Variants in VSTM1 observed in about 807,000 individuals in gnomAD.
VSTM1 encodes V-set and transmembrane domain containing 1.
In VSTM1, 27 loss-of-function variants were observed where a neutral mutation model predicts 33.1. That is an observed-to-expected ratio of 0.82 (90% CI 0.60 to 1.12). The LOEUF (loss-of-function observed/expected upper bound fraction) is 1.12, where lower values mean the gene tolerates loss of function less well. Ranked by LOEUF, VSTM1 falls within the 50% of genes most tolerant of loss-of-function variation. The probability of loss-of-function intolerance (pLI) is 0.00; values close to 1 mark genes in which losing one functional copy is unlikely to be tolerated. For missense variants in VSTM1, 304 were observed against 288.9 expected (o/e 1.05, Z -0.38); for synonymous variants, 115 against 110.3 (o/e 1.04, Z -0.27).
chr19:54,045,278 G>C (rs777886795), intron 4 of VSTM1, among the ~76,000 whole-genome samples: 2 of 151,868 alleles, frequency 1.3e-5, no homozygotes, highest in Non-Finnish European at 1.5e-5. Context: ...ATCTTTATCT[G>C]TCTCTGTACC....
At chr19:54,044,595 T>A (rs1202340041) in intron 4 of VSTM1, among the ~76,000 whole-genome samples, 1 of 152,064 alleles carries the variant, frequency 6.6e-6, no homozygotes, top group African/African-American at 2.4e-5. Flanking sequence ...TTTCTACCAA[T>A]TAAAAAACAA....
At chr19:54,043,504 C>T (rs928990466) in intron 4 of VSTM1, among the ~76,000 whole-genome samples, 17 of 152,174 alleles carry the variant, frequency 1.1e-4, no homozygotes, top group East Asian at 5.8e-4. Flanking sequence ...CTCCGCCTCC[C>T]GGGTTCAAGC....
At chr19:54,063,087 C>T (rs1455318768) in intron 1 of VSTM1, among the ~76,000 whole-genome samples, 2 of 152,200 alleles carry the variant, frequency 1.3e-5, no homozygotes, top group African/African-American at 4.8e-5. Context: ...CCTGTAATCC[C>T]AGCACTTTGG....
At position 54,045,421 on chromosome 19, in the gene VSTM1, A is replaced by G. The variant is rs140726780; in HGVS notation, c.395-3052T>C. Among the ~76,000 whole-genome samples, 1,175 of 152,080 alleles carry G rather than the reference A, an allele frequency of 7.7e-3. 10 individuals are homozygous for G. The highest frequency in any genetic ancestry group is 0.012 in the Non-Finnish European group (803 of 67,964). On this transcript the variant is annotated intron_variant, in intron 4 of 8. Coordinates refer to ENST00000338372, the MANE Select transcript of VSTM1 (RefSeq NM_198481.4). ...AACTATCTGTCTGTCTAATTTTTCT[A>G]TCTTGTTAATCTATCACTTATCTAG... is the stretch of plus-strand genomic sequence containing the variant.
In VSTM1 at chr19:54,053,615, C is replaced by G. The variant is rs1353781598; in HGVS notation, c.356-2167G>C. ...AGAAATGGACCCTTCCCCAGTCAAGCCTCCAGATGAGCCAGATGAGAACAC... is the reference window on the plus strand; with the variant it reads ...AGAAATGGACCCTTCCCCAGTCAAGGCTCCAGATGAGCCAGATGAGAACAC... On this transcript the variant is annotated intron_variant, in intron 3 of 8. Coordinates refer to ENST00000338372, the MANE Select transcript of VSTM1 (RefSeq NM_198481.4). Among the ~76,000 whole-genome samples the G allele has an allele frequency of 2.8e-5, 4 of 141,684 alleles. No individual in the cohort carries two copies. The East Asian group carries it at 8.0e-4, about 28-fold the overall frequency. 93.0% of individuals were successfully genotyped at this position (141,684 alleles called of 152,430 possible).
intron 1 of VSTM1, 68 bp from the exon 2 acceptor site, chr19:54,058,800 G>A (rs530088331): frequency 9.7e-6 from 13 of 1,345,936 alleles, no homozygotes; most frequent in African/African-American, 4.4e-5. Flanking sequence ...AGCAGAGAAC[G>A]TATGACTAGC....
intron 4 of VSTM1, among the ~76,000 whole-genome samples, chr19:54,044,986 C>A (rs575702028): frequency 7.2e-5 from 11 of 152,150 alleles, no homozygotes; most frequent in Admixed American, 2.6e-4. Context: ...AGGGGCTTCA[C>A]CAAGACCCCC....
chr19:54,054,861 A>G (rs1322410553), intron 3 of VSTM1, among the ~76,000 whole-genome samples: 1 of 84,534 alleles, frequency 1.2e-5, no homozygotes, highest in Non-Finnish European at 2.9e-5. Context: ...GGATGGATGG[A>G]TGGATGGATG....
intron 8 of VSTM1, 128 bp from the exon 9 acceptor site, chr19:54,041,208 AG>A (rs2070245298): frequency 3.2e-6 from 3 of 939,066 alleles, no homozygotes; most frequent in Non-Finnish European, 4.4e-6. Flanking sequence ...CGGTCACACC[AG>A]ATGCATTTCT....
chr19:54,060,339 G>A (rs549122957), intron 1 of VSTM1, among the ~76,000 whole-genome samples: 3 of 152,134 alleles, frequency 2.0e-5, no homozygotes, highest in Non-Finnish European at 2.9e-5. Flanking sequence ...TGGAAAATGG[G>A]ATGTCAGTCA....
intron 4 of VSTM1, among the ~76,000 whole-genome samples, chr19:54,042,816 A>ATATATATATG (rs1555752453): frequency 3.6e-5 from 2 of 54,972 alleles, no homozygotes; most frequent in African/African-American, 6.2e-5. Flanking sequence ...GTATATATAT[A>ATATATATATG]TATATATATA....
rs1253430567 is a variant in VSTM1 at position 54,059,102 on chromosome 19, A to G, written c.35-370T>C. ...TTGAAATGTAGTCTTGCTCTGTTGC[A>G]CAGGCTGGAGTGCAATGACATGATC... is the stretch of plus-strand genomic sequence containing the variant. On this transcript the variant is annotated intron_variant, in intron 1 of 8. Coordinates refer to ENST00000338372, the MANE Select transcript of VSTM1 (RefSeq NM_198481.4). Among the ~76,000 whole-genome samples, 24 of 131,308 alleles carry G rather than the reference A, an allele frequency of 1.8e-4. No individual in the cohort carries two copies. In the East Asian group the frequency reaches 4.5e-3, roughly 25 times the overall value. The allele number at this position is 131,308 out of a possible 152,430, so 86.1% of individuals were successfully genotyped here. A position where few individuals can be genotyped will look rare whatever the true frequency, so the allele number is the denominator to read the frequency against.
chr19:54,051,524 C>T (rs1329525084), intron 3 of VSTM1, 76 bp from the exon 4 acceptor site: 1 of 1,140,262 alleles, frequency 8.8e-7, no homozygotes, highest in Non-Finnish European at 1.3e-6. Flanking sequence ...TCACGTCCTA[C>T]TTATAGACAT....
chr19:54,054,033 G>A (rs1183595117), intron 3 of VSTM1, among the ~76,000 whole-genome samples: 1 of 141,008 alleles, frequency 7.1e-6, no homozygotes, highest in Non-Finnish European at 1.6e-5. Flanking sequence ...TTTTTGTAAT[G>A]GAAGCATTTA....
At chr19:54,041,214 AT>A (rs1272858786) in intron 8 of VSTM1, 134 bp from the exon 9 acceptor site, 8 of 892,892 alleles carry the variant, frequency 9.0e-6, no homozygotes, top group African/African-American at 1.8e-5. Flanking sequence ...CACCAGATGC[AT>A]TTCTTTTTCT....
intron 3 of VSTM1, 124 bp from the exon 4 acceptor site, chr19:54,051,572 C>T: frequency 3.0e-6 from 2 of 677,692 alleles, no homozygotes; most frequent in Non-Finnish European, 4.8e-6. Context: ...AGAATGGCTT[C>T]TCCATTCCCT....
At position 54,055,331 on chromosome 19, in the gene VSTM1, G is replaced by A. The variant is rs115941560; in HGVS notation, c.355+2975C>T. On this transcript the variant is annotated intron_variant, in intron 3 of 8. Transcript: ENST00000338372. Reference sequence around the variant, plus strand: ...AGCAACTGTGAAGCTCATTGTTTTTGTGACACCGGGGAGGTCACCTAATCT... The same window carrying A: ...AGCAACTGTGAAGCTCATTGTTTTTATGACACCGGGGAGGTCACCTAATCT... Among the ~76,000 whole-genome samples, 984 of 141,886 alleles carry A rather than the reference G, an allele frequency of 6.9e-3. 127 individuals are homozygous for A. Among genetic ancestry groups the A allele is most frequent in the African/African-American group, 0.024 (917 of 38,438 alleles). The allele number at this position is 141,886 out of a possible 152,430, so 93.1% of individuals were successfully genotyped here. A position where few individuals can be genotyped will look rare whatever the true frequency, so the allele number is the denominator to read the frequency against.
At chr19:54,053,301 GC>G (rs1156655487) in intron 3 of VSTM1, among the ~76,000 whole-genome samples, 1 of 141,706 alleles carries the variant, frequency 7.1e-6, no homozygotes, top group Non-Finnish European at 1.6e-5. Context: ...CCCTAAGGGG[GC>G]ACTCAGGAGA....
At chr19:54,046,958 G>A (rs1295766275) in intron 4 of VSTM1, among the ~76,000 whole-genome samples, 1 of 152,100 alleles carries the variant, frequency 6.6e-6, no homozygotes, top group Admixed American at 6.6e-5. Context: ...CACTTTGGGA[G>A]GTCGAGGCAG....
Sources: gnomAD v4.1 joint callset for allele counts (sites outside exome capture counted in the v4.1 genomes callset) on GRCh38, gnomAD v4.1.1 for gene constraint, MANE v1.5 for transcripts, NCBI Gene and HGNC (gene_info 2026-07-23, HGNC 2026-07-21) for gene names.